The following GSE1 variants were observed in gnomAD, a reference collection of about 807,000 sequenced individuals.
The protein encoded by GSE1 is genetic suppressor element 1.
In GSE1, 32 loss-of-function variants were observed where a neutral mutation model predicts 112.6. That is an observed-to-expected ratio of 0.28 (90% CI 0.21 to 0.38). GSE1 has a LOEUF of 0.38. Among genes scored for constraint, GSE1 ranks in the 10% least tolerant of loss-of-function variants. The pLI, the probability that GSE1 is intolerant of heterozygous loss-of-function variation, is 1.00. For synonymous variants in GSE1, 1,115 were observed against 735.6 expected (o/e 1.52, Z -8.35); for missense variants, 2,348 against 1,699.2 (o/e 1.38, Z -6.71).
At chr16:85,236,976 A>G (rs1567629582) in intron 1 of GSE1, among the ~76,000 whole-genome samples, 1 of 152,126 alleles carries the variant, frequency 6.6e-6, no homozygotes, top group African/African-American at 2.4e-5. Context: ...CACTGTCACC[A>G]CCCCAAGGGT....
chr16:85,523,972 AG>A (rs1366162064), intron 2 of GSE1, among the ~76,000 whole-genome samples: 2 of 151,820 alleles, frequency 1.3e-5, no homozygotes, highest in Non-Finnish European at 1.5e-5. Flanking sequence ...CGCCTTGGGG[AG>A]GGGAGGGCTT....
intron 2 of GSE1, among the ~76,000 whole-genome samples, chr16:85,401,123 G>C (rs2048105236): frequency 6.6e-6 from 1 of 152,194 alleles, no homozygotes; most frequent in African/African-American, 2.4e-5. Flanking sequence ...GCTTTCTGAG[G>C]CCCAGCTGGG....
chr16:85,481,763 T>C (rs1371296469), intron 2 of GSE1, among the ~76,000 whole-genome samples: 2 of 152,178 alleles, frequency 1.3e-5, no homozygotes, highest in African/African-American at 4.8e-5. Flanking sequence ...CCCGGCACTT[T>C]GGGAGATGTG....
intron 1 of GSE1, among the ~76,000 whole-genome samples, chr16:85,577,549 C>T (rs554793856): frequency 2.6e-4 from 39 of 152,300 alleles, no homozygotes; most frequent in African/African-American, 8.2e-4. Flanking sequence ...ATTTCTCCTT[C>T]GCACTAGCCC....
At chr16:85,262,807 C>G (rs937038418) in intron 1 of GSE1, among the ~76,000 whole-genome samples, 1 of 152,220 alleles carries the variant, frequency 6.6e-6, no homozygotes, top group Non-Finnish European at 1.5e-5. Flanking sequence ...GCCGCGGGCA[C>G]CAGTTGGAAA....
intron 1 of GSE1, among the ~76,000 whole-genome samples, chr16:85,346,856 G>T (rs1597452078): frequency 2.6e-5 from 4 of 151,648 alleles, no homozygotes; most frequent in African/African-American, 7.3e-5. Flanking sequence ...AGGTGGATGG[G>T]TGATGGACAG....
At chr16:85,464,039 G>A (rs116609997) in intron 2 of GSE1, among the ~76,000 whole-genome samples, 1,918 of 152,244 alleles carry the variant, frequency 0.013, 39 homozygotes, top group African/African-American at 0.044. Flanking sequence ...CTTACCTGCG[G>A]GCCTTTTCTT....
At chr16:85,405,029 G>A (rs1167048191) in intron 2 of GSE1, among the ~76,000 whole-genome samples, 7 of 32,792 alleles carry the variant, frequency 2.1e-4, no homozygotes, top group African/African-American at 1.9e-3. Flanking sequence ...CAGGCCCCCC[G>A]GATAATCCTC....
chr16:85,360,208 G>A (rs1266470215), intron 2 of GSE1, among the ~76,000 whole-genome samples: 2 of 152,138 alleles, frequency 1.3e-5, no homozygotes, highest in African/African-American at 4.8e-5. Flanking sequence ...CTCATCAGCA[G>A]GTCCTTGCTG....
intron 2 of GSE1, among the ~76,000 whole-genome samples, chr16:85,647,002 G>C (rs1391390761): frequency 6.6e-6 from 1 of 152,162 alleles, no homozygotes; most frequent in South Asian, 2.1e-4. Context: ...CACACACTTG[G>C]TCCCCTTCTG....
chr16:85,651,480 G>A (rs1159208715), intron 3 of GSE1, among the ~76,000 whole-genome samples: 6 of 152,200 alleles, frequency 3.9e-5, no homozygotes, highest in African/African-American at 1.4e-4. Context: ...GCAGGGCTTT[G>A]TCCTCGGCTG....
chr16:85,614,227 C>A (rs993327339), intron 1 of GSE1, among the ~76,000 whole-genome samples: 2 of 152,146 alleles, frequency 1.3e-5, no homozygotes, highest in Admixed American at 1.3e-4. Context: ...CGCCCCCAGC[C>A]CTCCCGGGCC....
Position 85,675,379 on chromosome 16 carries a change from TAGTC to T in GSE1, c.*2843_*2846del, listed in dbSNP as rs945111882. 4.6e-5 allele frequency: 7 copies of T among 152,232 alleles called. No homozygotes were observed. The highest frequency in any genetic ancestry group is 1.7e-4 in the African/African-American group (7 of 41,470). 9.4% of individuals were successfully genotyped at this position (152,232 alleles called of 1,614,324 possible). Reference sequence around the variant, plus strand: ...TGAAACAAGTTATTTTTGCTTCATATAGTCAGAGTCAGACTGACATGATAAAATA... The same window carrying T: ...TGAAACAAGTTATTTTTGCTTCATATAGAGTCAGACTGACATGATAAAATA... On this transcript the variant is annotated 3_prime_UTR_variant, in exon 16 of 16. Transcript: ENST00000253458.
intron 2 of GSE1, among the ~76,000 whole-genome samples, chr16:85,439,863 C>G (rs1362433463): frequency 6.6e-6 from 1 of 152,166 alleles, no homozygotes; most frequent in African/African-American, 2.4e-5. Flanking sequence ...CACAGGCATG[C>G]ACACATATGT....
At chr16:85,484,541 C>T (rs1400854301) in intron 2 of GSE1, among the ~76,000 whole-genome samples, 5 of 152,338 alleles carry the variant, frequency 3.3e-5, no homozygotes, top group Non-Finnish European at 5.9e-5. Context: ...GAGACGCCTC[C>T]GCGACACAGC....
chr16:85,382,852 A>C (rs1272893742), intron 2 of GSE1, among the ~76,000 whole-genome samples: 1 of 151,742 alleles, frequency 6.6e-6, no homozygotes, highest in African/African-American at 2.4e-5. Flanking sequence ...ACATGCATAC[A>C]TGTGCACACA....
At chr16:85,619,627 C>T (rs1221694734) in intron 1 of GSE1, among the ~76,000 whole-genome samples, 1 of 152,206 alleles carries the variant, frequency 6.6e-6, no homozygotes, top group African/African-American at 2.4e-5. Flanking sequence ...GGAGTTGTCT[C>T]TGGGATTTAG....
intron 1 of GSE1, among the ~76,000 whole-genome samples, chr16:85,321,798 A>G (rs1337487491): frequency 6.6e-6 from 1 of 151,968 alleles, no homozygotes; most frequent in African/African-American, 2.4e-5. Context: ...GTCTTAAAAA[A>G]AAAAAAAAAG....
intron 1 of GSE1, among the ~76,000 whole-genome samples, chr16:85,350,627 C>T (rs1303047178): frequency 2.0e-5 from 3 of 152,148 alleles, no homozygotes; most frequent in Non-Finnish European, 4.4e-5. Context: ...ATGAGGTCAC[C>T]GTGATGCTTT....
Sources: gnomAD v4.1 joint callset for allele counts (sites outside exome capture counted in the v4.1 genomes callset) on GRCh38, gnomAD v4.1.1 for gene constraint, MANE v1.5 for transcripts, NCBI Gene and HGNC (gene_info 2026-07-23, HGNC 2026-07-21) for gene names.